ZMYND11: variants seen among roughly 807,000 people sequenced by gnomAD.
The protein encoded by ZMYND11 is zinc finger MYND-type containing 11.
ZMYND11 carries 9 observed loss-of-function variants against 84.9 expected under a neutral mutation model. The ratio of observed to expected loss-of-function variants is 0.11; its 90% CI spans 0.06 to 0.18. The LOEUF is 0.18. Ranked by LOEUF, ZMYND11 falls within the 10% of genes least tolerant of loss-of-function variation. The pLI is 1.00. For synonymous variants in ZMYND11, 250 were observed against 244.1 expected (o/e 1.02, Z -0.23); for missense variants, 409 against 761.0 (o/e 0.54, Z 5.44).
rs543606124 is a variant in ZMYND11, at chr10:248,756, A to G, written c.1501-147A>G. 569 of 1,389,976 alleles carry G rather than the reference A, an allele frequency of 4.1e-4. 2 individuals are homozygous for G. In the African/African-American group the frequency reaches 7.2e-3, roughly 18 times the overall value. The allele number at this position is 1,389,976 out of a possible 1,614,324, so 86.1% of individuals were successfully genotyped here. On this transcript the variant is annotated intron_variant, in intron 13 of 14. Coordinates refer to ENST00000381604, the MANE Select transcript of ZMYND11 (RefSeq NM_001370100.5). ...ATCTTTTACAGCATTTCAAGTAATA[A>G]TGATACTTTCCTCACCTAAATTTTT... is the stretch of plus-strand genomic sequence containing the variant.
At chr10:241,980 C>CTTTAAAAGTAATA in intron 9 of ZMYND11, 41 bp from the exon 10 acceptor site, 1 of 1,602,182 alleles carries the variant, frequency 6.2e-7, no homozygotes, top group Non-Finnish European at 8.5e-7. Context: ...GCATTTAATA[C>CTTTAAAAGTAATA]TTTAAAAGTA....
intron 1 of ZMYND11, among the ~76,000 whole-genome samples, chr10:170,431 C>T (rs1023322609): frequency 3.5e-4 from 52 of 147,802 alleles, no homozygotes; most frequent in African/African-American, 1.0e-3. Flanking sequence ...ATTATGTGTG[C>T]GTGTGTGTGT....
chr10:202,718 C>T (rs1943442993), intron 2 of ZMYND11, among the ~76,000 whole-genome samples: 1 of 152,190 alleles, frequency 6.6e-6, no homozygotes, highest in Non-Finnish European at 1.5e-5. Flanking sequence ...TCATGGCATA[C>T]ATCTTTTTTA....
intron 14 of ZMYND11, 170 bp downstream of exon 14, chr10:249,258 T>A (rs1952828118): frequency 1.4e-6 from 2 of 1,447,054 alleles, no homozygotes; most frequent in Non-Finnish European, 1.8e-6. Flanking sequence ...CTATGATCTC[T>A]CAACCCCAGA....
chr10:166,588 A>G (rs1554763916), intron 1 of ZMYND11, among the ~76,000 whole-genome samples: 2 of 152,158 alleles, frequency 1.3e-5, no homozygotes, highest in Admixed American at 6.6e-5. Flanking sequence ...AAAATTAGGA[A>G]TAATACGTGT....
At chr10:241,679 T>G (rs1245558718) in intron 9 of ZMYND11, among the ~76,000 whole-genome samples, 1 of 152,224 alleles carries the variant, frequency 6.6e-6, no homozygotes. Context: ...GACAGTACTG[T>G]GCCAGCCTAA....
At chr10:206,309 G>A (rs949622832) in intron 2 of ZMYND11, among the ~76,000 whole-genome samples, 4 of 152,120 alleles carry the variant, frequency 2.6e-5, no homozygotes, top group East Asian at 1.9e-4. Context: ...GCAGTGAGCC[G>A]AGATCATGCC....
chr10:193,730 T>G (rs1032661931), intron 2 of ZMYND11, among the ~76,000 whole-genome samples: 1 of 152,246 alleles, frequency 6.6e-6, no homozygotes, highest in Non-Finnish European at 1.5e-5. Flanking sequence ...TTCTTTGTAC[T>G]CCTTTGTACT....
chr10:149,556 C>T (rs1482727563), intron 1 of ZMYND11, among the ~76,000 whole-genome samples: 1 of 151,982 alleles, frequency 6.6e-6, no homozygotes, highest in Admixed American at 6.6e-5. Context: ...GTGATCCACC[C>T]ACCTCAGCCT....
intron 14 of ZMYND11, among the ~76,000 whole-genome samples, chr10:251,328 C>G (rs1002477421): frequency 6.6e-6 from 1 of 152,180 alleles, no homozygotes; most frequent in African/African-American, 2.4e-5. Flanking sequence ...AATCCCGACA[C>G]GCCTCATCCA....
intron 10 of ZMYND11, among the ~76,000 whole-genome samples, chr10:242,444 G>C (rs1470462932): frequency 6.6e-6 from 1 of 152,064 alleles, no homozygotes; most frequent in Non-Finnish European, 1.5e-5. Flanking sequence ...TATGGTAATG[G>C]AATTACCATT....
At chr10:226,085 C>G (rs1475961526) in intron 4 of ZMYND11, among the ~76,000 whole-genome samples, 1 of 152,108 alleles carries the variant, frequency 6.6e-6, no homozygotes, top group Non-Finnish European at 1.5e-5. Context: ...TTCTAAATGC[C>G]TATACCACTC....
upstream of ZMYND11, chr10:134,796 C>T (rs960056361): frequency 6.6e-6 from 1 of 152,294 alleles, no homozygotes; most frequent in African/African-American, 2.4e-5. Context: ...CGTACGTAGC[C>T]TTCACGTGTG....
At chr10:165,042 A>G (rs542631855) in intron 1 of ZMYND11, among the ~76,000 whole-genome samples, 2 of 152,060 alleles carry the variant, frequency 1.3e-5, no homozygotes, top group African/African-American at 2.4e-5. Flanking sequence ...CTTTCCGGCT[A>G]CTTTTCCATC....
At chr10:162,021 A>G (rs1367525275) in intron 1 of ZMYND11, among the ~76,000 whole-genome samples, 1 of 152,170 alleles carries the variant, frequency 6.6e-6, no homozygotes, top group African/African-American at 2.4e-5. Context: ...TGCCTTCCTC[A>G]CTAAGCTTAA....
At chr10:151,078 A>C (rs965903565) in intron 1 of ZMYND11, among the ~76,000 whole-genome samples, 1 of 152,256 alleles carries the variant, frequency 6.6e-6, no homozygotes, top group Non-Finnish European at 1.5e-5. Flanking sequence ...CGTCACCATC[A>C]TCAAAGACCA....
In ZMYND11 at chr10:142,705, C is replaced by T. The variant is rs540159449; in HGVS notation, c.-20+7146C>T. On this transcript the variant is annotated intron_variant, in intron 1 of 14. Transcript: ENST00000381604. The stretch of plus-strand genomic sequence containing the variant: ...GCACTTTTATAAGTCTGCAAAAGTA[C>T]GTAATATTAACAAAGTGTAAAACTA... 2.3e-4 allele frequency among the ~76,000 whole-genome samples: 35 copies of T among 152,168 alleles called. No individual in the cohort carries two copies. In the South Asian group the frequency reaches 3.1e-3, roughly 14 times the overall value.
intron 1 of ZMYND11, chr10:147,730 G>A (rs1839243996): frequency 6.6e-6 from 1 of 151,040 alleles, no homozygotes; most frequent in Admixed American, 6.6e-5. Context: ...CAGGGAAGAT[G>A]GATATCGAAG....
At chr10:142,621 C>T (rs150880222) in intron 1 of ZMYND11, among the ~76,000 whole-genome samples, 24 of 152,304 alleles carry the variant, frequency 1.6e-4, no homozygotes, top group Non-Finnish European at 3.2e-4. Context: ...GCTACTCTGT[C>T]TCCCTAAAAC....
Sources: allele counts gnomAD v4.1 joint callset (sites outside exome capture counted in the v4.1 genomes callset), GRCh38; gene constraint gnomAD v4.1.1; transcripts MANE v1.5; gene names NCBI Gene and HGNC (gene_info 2026-07-23, HGNC 2026-07-21).